The following SRPRB variants were observed in gnomAD, a reference collection of about 807,000 sequenced individuals.
SRPRB encodes SRP receptor subunit beta.
A neutral mutation model predicts 31.9 loss-of-function variants in SRPRB; 20 were observed. That is an observed-to-expected ratio of 0.63 (90% CI 0.44 to 0.91). SRPRB has a LOEUF of 0.91. Ranked by LOEUF, SRPRB falls within the 40% of genes least tolerant of loss-of-function variation. The pLI is 0.00. For missense variants in SRPRB, 321 were observed against 324.9 expected (o/e 0.99, Z 0.09); for synonymous variants, 146 against 132.8 (o/e 1.10, Z -0.68).
rs571930144 is a variant in SRPRB, at chr3:133,806,010, G to A, written c.154+8G>A. 2.9e-5 allele frequency: 46 copies of A among 1,611,662 alleles called. No individual in the cohort carries two copies. In the South Asian group the frequency reaches 4.4e-4, roughly 15 times the overall value. ...CGGTGCTGCTGACGCTAGGTAAAAG[G>A]CGGCCGGTGGTCATGGCGGGTTTGG... is the stretch of plus-strand genomic sequence containing the variant. On this transcript the variant is annotated splice_region_variant and intron_variant, in intron 1 of 6. Transcript: ENST00000678299.
intron 4 of SRPRB, among the ~76,000 whole-genome samples, chr3:133,813,239 T>C (rs748165617): frequency 3.9e-5 from 6 of 152,238 alleles, no homozygotes; most frequent in Non-Finnish European, 7.3e-5. Flanking sequence ...TGGAATTCAG[T>C]TGTGCTATTC....
intron 1 of SRPRB, 181 bp from the exon 2 acceptor site, chr3:133,806,428 T>A: frequency 1.8e-6 from 1 of 569,622 alleles, no homozygotes; most frequent in Non-Finnish European, 3.1e-6. Flanking sequence ...AGTTGACAGT[T>A]GACAGTGCCT....
At chr3:133,827,753 C>CCCCCCCCCCCCCCCCCCCCCCCCCA, downstream of SRPRB, 1 of 89,898 alleles carries the variant, frequency 1.1e-5, no homozygotes, top group Non-Finnish European at 3.5e-5. Flanking sequence ...AACACCCCCC[C>CCCCCCCCCCCCCCCCCCCCCCCCCA]CCCCCCCCGC....
chr3:133,801,647 G>A (rs774747685), upstream of SRPRB, among the ~76,000 whole-genome samples: 5 of 152,024 alleles, frequency 3.3e-5, no homozygotes, highest in Non-Finnish European at 7.4e-5. Context: ...TGCATCTTTG[G>A]TCCCCAGTCA....
At chr3:133,794,818 AG>A (rs1259956698) in intron 1 of SRPRB, 1 of 152,228 alleles carries the variant, frequency 6.6e-6, no homozygotes, top group Non-Finnish European at 1.5e-5. Flanking sequence ...TATTATCATG[AG>A]ACTCTTATCT....
downstream of SRPRB, chr3:133,827,075 AG>A (rs1245869129): frequency 6.6e-6 from 1 of 152,666 alleles, no homozygotes; most frequent in Non-Finnish European, 1.5e-5. Flanking sequence ...ATTCCTTGCT[AG>A]AGATGAGCTC....
rs1185061143 is a variant in SRPRB, at chr3:133,821,388, A to T, written c.*1622A>T. ...TTGCCCTTTTCCTTATTAGGCAAGC[A>T]GTAACTTAGGAAGTAGGTAAGAGCA... On this transcript the variant is annotated 3_prime_UTR_variant, in exon 7 of 7. Transcript: ENST00000678299. The T allele has an allele frequency of 6.6e-6, 1 of 152,254 alleles. No homozygotes were observed. Among genetic ancestry groups the T allele is most frequent in the African/African-American group, 2.4e-5 (1 of 41,450 alleles). The allele number at this position is 152,254 out of a possible 1,614,324, so 9.4% of individuals were successfully genotyped here.
At chr3:133,807,598 C>A in intron 2 of SRPRB, 148 bp from the exon 3 acceptor site, 1 of 602,328 alleles carries the variant, frequency 1.7e-6, no homozygotes, top group Non-Finnish European at 2.9e-6. Context: ...TTTTTTTCTA[C>A]AGGTAAAAAA....
rs374769140 is a variant in SRPRB at position 133,805,879 on chromosome 3, G to C, written c.31G>C (p.Asp11His). The C allele has an allele frequency of 1.9e-6, 3 of 1,612,498 alleles. No homozygotes were observed. The African/African-American group carries it at 4.0e-5, about 22-fold the overall frequency. The stretch of plus-strand genomic sequence containing the variant: ...TTCCGCGGACTCGCGCCGGGTGGCA[G>C]ATGGCGGCGGTGCCGGGGGCACCTT... MASADSRRVADGGGAGGTFQP... is the reference protein window; with the variant it reads MASADSRRVAHGGGAGGTFQP... The change falls in exon 1 of 7, where the codon GAT becomes CAT. Residue 11 changes from aspartate to histidine, a missense_variant. Transcript: ENST00000678299.
At chr3:133,807,666 C>T (rs994812112) in intron 2 of SRPRB, 80 bp from the exon 3 acceptor site, 8 of 955,186 alleles carry the variant, frequency 8.4e-6, no homozygotes, top group South Asian at 1.4e-5. Flanking sequence ...AACCTTACAC[C>T]TGGGAGACTT....
At chr3:133,824,927 T>G (rs1158316726), downstream of SRPRB, 1 of 152,086 alleles carries the variant, frequency 6.6e-6, no homozygotes, top group African/African-American at 2.4e-5. Flanking sequence ...ACTTGCTGGG[T>G]GATCTTAATA....
intron 1 of SRPRB, among the ~76,000 whole-genome samples, chr3:133,798,517 C>A (rs1205722425): frequency 6.6e-6 from 1 of 152,086 alleles, no homozygotes; most frequent in African/African-American, 2.4e-5. Flanking sequence ...TGGAACTCTG[C>A]CAATGCTTTT....
chr3:133,791,915 A>G (rs778799791), intron 1 of SRPRB: 4 of 152,242 alleles, frequency 2.6e-5, no homozygotes, highest in Non-Finnish European at 5.9e-5. Context: ...TTTTATCAGA[A>G]AAGTAAAAAA....
downstream of SRPRB, among the ~76,000 whole-genome samples, chr3:133,823,414 C>T (rs775441403): frequency 6.6e-6 from 1 of 152,134 alleles, no homozygotes; most frequent in Non-Finnish European, 1.5e-5. Context: ...GCCTGTGGGA[C>T]CACTCCTGGC....
intron 4 of SRPRB, among the ~76,000 whole-genome samples, chr3:133,811,670 C>T (rs1168716880): frequency 1.3e-5 from 2 of 150,068 alleles, no homozygotes; most frequent in African/African-American, 4.9e-5. Context: ...GCAACCTCCA[C>T]CTCCTGGGTT....
At chr3:133,823,501 T>A (rs1409716928), downstream of SRPRB, among the ~76,000 whole-genome samples, 2 of 152,232 alleles carry the variant, frequency 1.3e-5, no homozygotes, top group African/African-American at 4.8e-5. Flanking sequence ...TCTCTTCTAA[T>A]CAAAGATGGC....
chr3:133,816,829 A>G (rs781371356), intron 5 of SRPRB, 49 bp from the exon 6 acceptor site: 129 of 1,501,136 alleles, frequency 8.6e-5, no homozygotes, highest in Non-Finnish European at 1.1e-4. Context: ...GTCTTGGGGA[A>G]AAAACTCATT....
intron 1 of SRPRB, among the ~76,000 whole-genome samples, chr3:133,800,707 C>G: frequency 6.6e-6 from 1 of 152,190 alleles, no homozygotes; most frequent in East Asian, 1.9e-4. Flanking sequence ...GTGACATGTC[C>G]TCAAACCCGC....
intron 4 of SRPRB, among the ~76,000 whole-genome samples, chr3:133,813,053 G>T (rs1205947750): frequency 6.6e-6 from 1 of 152,166 alleles, no homozygotes; most frequent in Non-Finnish European, 1.5e-5. Context: ...TTTTAGCTGA[G>T]TGCAGAGTCC....
Sources: allele counts gnomAD v4.1 joint callset (sites outside exome capture counted in the v4.1 genomes callset), GRCh38; gene constraint gnomAD v4.1.1; transcripts MANE v1.5; gene names NCBI Gene and HGNC (gene_info 2026-07-23, HGNC 2026-07-21).